The following FHIP2B variants were observed in gnomAD, a reference collection of about 807,000 sequenced individuals.
The protein encoded by FHIP2B is FHF complex subunit HOOK interacting protein 2B, also known as FHF complex subunit HOOK-interacting protein 2B.
Under a neutral mutation model 84.0 loss-of-function variants are expected in FHIP2B, and 72 were observed. The ratio of observed to expected loss-of-function variants is 0.86; its 90% confidence interval spans 0.71 to 1.04. The LOEUF (loss-of-function observed/expected upper bound fraction) is 1.04. FHIP2B is among the 50% of genes least tolerant of loss of function. The pLI is 0.00. For missense variants in FHIP2B, 972 were observed against 968.9 expected, an observed-to-expected ratio of 1.00 and a Z score of -0.04; for synonymous variants, 497 against 418.7, an observed-to-expected ratio of 1.19 and a Z score of -2.28.
At chr8:22,092,614 T>C (rs1307282263) in intron 1 of FHIP2B, among the ~76,000 whole-genome samples, 1 of 150,326 alleles carries the variant, frequency 6.7e-6, no homozygotes, top group Non-Finnish European at 1.5e-5. Flanking sequence ...AAAAAAGTTG[T>C]CATTGACCTG....
At chr8:22,101,274 C>G (rs902695756) in intron 12 of FHIP2B, 166 bp from the exon 13 acceptor site, 16 of 659,666 alleles carry the variant, frequency 2.4e-5, no homozygotes, top group African/African-American at 7.3e-5. Flanking sequence ...CCGCCCACCT[C>G]AGCCTCCCAA....
At chr8:22,101,373 G>A in intron 12 of FHIP2B, 67 bp from the exon 13 acceptor site, 9 of 1,318,492 alleles carry the variant, frequency 6.8e-6, no homozygotes, top group Non-Finnish European at 9.6e-6. Context: ...GGAGGGAGAT[G>A]GGGTCCCACA....
chr8:22,094,446 C>T lies in FHIP2B; in HGVS notation c.52C>T (p.Pro18Ser). ...GTGTGTCTGCCCTCCGCAGCGCGAG[C>T]CCAGCATTGACCTGCTGCAGGCCTT... ...LLQEAVGARE[P>S]SIDLLQAFVE... is the part of the protein sequence containing the mutation. Residue 18 changes from proline (P) to serine (S), a missense_variant, in exon 2 of 17, where the codon CCC becomes TCC. Physicochemically the swap from Pro to Ser is moderately conservative, Grantham distance 74 (BLOSUM62 -1). Coordinates refer to ENST00000289921, the MANE Select transcript of FHIP2B (RefSeq NM_022749.7). 1.2e-6 allele frequency: 2 copies of T among 1,608,034 alleles called. No individual in the cohort carries two copies. Among genetic ancestry groups the T allele is most frequent in the East Asian group, 2.3e-5 (1 of 44,106 alleles).
rs756553229 is a variant in FHIP2B at position 22,099,329 on chromosome 8, G to C, written c.1120G>C (p.Val374Leu). Residue 374 changes from valine to leucine, a missense_variant, in exon 9 of 17, where the codon GTG becomes CTG. Transcript: ENST00000289921. ...GAAGGCTGTGGCTGAGAACTTCTTCGTGGAGACCCTGCAGCCCCAGCTCCT... is the reference window on the plus strand; with the variant it reads ...GAAGGCTGTGGCTGAGAACTTCTTCCTGGAGACCCTGCAGCCCCAGCTCCT... ...LAKAVAENFF[V>L]ETLQPQLLHV... 1 of 1,613,762 alleles carries C rather than the reference G, an allele frequency of 6.2e-7. No individual in the cohort carries two copies. The highest frequency in any genetic ancestry group is 8.5e-7 in the Non-Finnish European group (1 of 1,179,818).
chr8:22,094,080 C>G (rs1443091099), intron 1 of FHIP2B, among the ~76,000 whole-genome samples: 5 of 152,142 alleles, frequency 3.3e-5, no homozygotes, highest in Non-Finnish European at 5.9e-5. Context: ...CCGTGTTCCT[C>G]TATGTGCCTC....
At chr8:22,093,708 CT>C (rs59841460) in intron 1 of FHIP2B, among the ~76,000 whole-genome samples, 15 of 66,452 alleles carry the variant, frequency 2.3e-4, no homozygotes, top group African/African-American at 7.6e-4. Flanking sequence ...AAAGCTTTGT[CT>C]TTTTTTTTTT....
rs1035645223 is a variant in FHIP2B at position 22,096,207 on chromosome 8, C to A, written c.125-130C>A. ...CTGTAAACTTCCATTTCCCAGTTGCCAGCAGCTGTCTTCCCCCACCTCTCC... is the reference window on the plus strand; with the variant it reads ...CTGTAAACTTCCATTTCCCAGTTGCAAGCAGCTGTCTTCCCCCACCTCTCC... On this transcript the variant is annotated intron_variant, in intron 2 of 16. Transcript: ENST00000289921. 4 of 852,358 alleles carry A rather than the reference C, an allele frequency of 4.7e-6. No homozygotes were observed. In the African/African-American group the frequency reaches 5.2e-5, roughly 11 times the overall value. 52.8% of individuals were successfully genotyped at this position (852,358 alleles called of 1,614,324 possible).
chr8:22,096,039 G>A (rs1825747997), intron 2 of FHIP2B: 1 of 257,680 alleles, frequency 3.9e-6, no homozygotes, highest in Admixed American at 5.6e-5. Flanking sequence ...AGGACCATGT[G>A]TCCCTGTCTC....
At chr8:22,094,847 G>T in intron 2 of FHIP2B, 1 of 1,174,874 alleles carries the variant, frequency 8.5e-7, no homozygotes, top group Non-Finnish European at 1.1e-6. Context: ...AGACCTTCAG[G>T]CCCCAGGTGC....
At chr8:22,099,602 C>T in intron 9 of FHIP2B, 102 bp from the exon 10 acceptor site, 1 of 1,356,452 alleles carries the variant, frequency 7.4e-7, no homozygotes, top group Non-Finnish European at 1.0e-6. Context: ...TGACCACAGA[C>T]ATACCAGCCA....
chr8:22,100,931 C>T lies in FHIP2B; in HGVS notation c.1575C>T (p.Thr525=), dbSNP rs370735766. 1 of 1,613,926 alleles carries T rather than the reference C, an allele frequency of 6.2e-7. No individual in the cohort carries two copies. Among genetic ancestry groups the T allele is most frequent in the Non-Finnish European group, 8.5e-7 (1 of 1,179,898 alleles). ...CAAAGCCTCGCCTAGCTCCTGCTAC[C>T]AGTTACGATGGCAAAACAGCAGTGA... is the stretch of plus-strand genomic sequence containing the variant. The part of the protein sequence containing the change: ...TPAKPRLAPA[T]SYDGKTAVTE... The change falls in exon 12 of 17, where the codon ACC becomes ACT. Residue 525 remains threonine, a synonymous_variant. Transcript: ENST00000289921.
chr8:22,096,315 C>T (rs918421543), intron 2 of FHIP2B, 22 bp from the exon 3 acceptor site: 1 of 1,532,704 alleles, frequency 6.5e-7, no homozygotes, highest in African/African-American at 1.4e-5. Context: ...CCTACTCACC[C>T]TTGTTTCCCA....
chr8:22,090,100 C>G (rs1438146686), intron 1 of FHIP2B, among the ~76,000 whole-genome samples: 1 of 129,336 alleles, frequency 7.7e-6, no homozygotes, highest in East Asian at 2.2e-4. Flanking sequence ...TACTAGGGTT[C>G]GTTCAGCAAG....
chr8:22,093,376 G>T (rs1825595914), intron 1 of FHIP2B, among the ~76,000 whole-genome samples: 1 of 152,150 alleles, frequency 6.6e-6, no homozygotes, highest in Non-Finnish European at 1.5e-5. Flanking sequence ...ATTGTTCTCA[G>T]TGCAAGGCCA....
chr8:22,096,588 CTG>C lies in FHIP2B; in HGVS notation c.297+82_297+83del, dbSNP rs1193871012. 7.1e-6 allele frequency: 10 copies of C among 1,418,202 alleles called. No individual in the cohort carries two copies. In the East Asian group the frequency reaches 1.1e-4, roughly 15 times the overall value. The allele number at this position is 1,418,202 out of a possible 1,614,324, so 87.9% of individuals were successfully genotyped here. On this transcript the variant is annotated intron_variant, in intron 3 of 16. Transcript: ENST00000289921. Reference sequence around the variant, plus strand: ...TTGGCCAGGCCGAGGTGGGAGGCCTCTGTGCGCTGGGCCAGGCCGAGGTGGGA... The same window carrying C: ...TTGGCCAGGCCGAGGTGGGAGGCCTCTGCGCTGGGCCAGGCCGAGGTGGGA...
rs769493432 is a variant in FHIP2B at position 22,100,599 on chromosome 8, C to T, written c.1347C>T (p.Ser449=). ...GHCDHLSDEI[S]ITTLRLFEEL... ...CGACCCCCTTCCTGCTCCAGATCAG[C>T]ATCACCACACTCCGGCTGTTTGAGG... Residue 449 remains serine, a synonymous_variant, in exon 11 of 17, where the codon AGC becomes AGT. Transcript: ENST00000289921. 5.2e-6 allele frequency: 8 copies of T among 1,552,036 alleles called. No individual in the cohort carries two copies. In the African/African-American group the frequency reaches 1.1e-4, roughly 21 times the overall value.
intron 10 of FHIP2B, 169 bp downstream of exon 10, chr8:22,100,062 T>C (rs1586340001): frequency 1.7e-6 from 1 of 587,836 alleles, no homozygotes; most frequent in East Asian, 3.6e-5. Context: ...TATGATCATA[T>C]ACTTTTTTTT....
chr8:22,098,996 C>T lies in FHIP2B; in HGVS notation c.1014C>T (p.Ala338=). The part of the protein sequence containing the change: ...SDEASFPGKE[A]LAAFLGWFDY... ...AGGCTTCCTTCCCTGGCAAGGAGGC[C>T]TTGGCTGCCTTCTTGGGCTGGTTTG... The change falls in exon 8 of 17, where the codon GCC becomes GCT. Residue 338 remains alanine, a synonymous_variant. Coordinates refer to ENST00000289921, the MANE Select transcript of FHIP2B (RefSeq NM_022749.7). The T allele has an allele frequency of 6.2e-7, 1 of 1,608,592 alleles. No individual in the cohort carries two copies. Among genetic ancestry groups the T allele is most frequent in the Non-Finnish European group, 8.5e-7 (1 of 1,177,504 alleles).
chr8:22,094,644 T>A (rs1825670115), intron 2 of FHIP2B, 126 bp downstream of exon 2: 2 of 1,530,402 alleles, frequency 1.3e-6, no homozygotes, highest in Non-Finnish European at 1.7e-6. Context: ...TGGAGCCGAG[T>A]TCACGGAGAC....
Sources: allele counts gnomAD v4.1 joint callset (sites outside exome capture counted in the v4.1 genomes callset), GRCh38; gene constraint gnomAD v4.1.1; transcripts MANE v1.5; gene names NCBI Gene and HGNC (gene_info 2026-07-23, HGNC 2026-07-21).